Variants in CEP78 observed in about 807,000 individuals in gnomAD.
CEP78 encodes centrosomal protein 78, also known as centrosomal protein of 78 kDa.
In CEP78, 76 loss-of-function variants were observed where a neutral mutation model predicts 81.2. That is an observed-to-expected ratio of 0.94 (90% CI 0.78 to 1.13). The LOEUF (loss-of-function observed/expected upper bound fraction) is 1.13. Among genes scored for constraint, CEP78 ranks in the 50% most tolerant of loss-of-function variants. CEP78 has a pLI of 0.00. For synonymous variants in CEP78, 293 were observed against 301.4 expected (o/e 0.97, Z 0.29); for missense variants, 918 against 846.8 (o/e 1.08, Z -1.04).
chr9:78,240,235 T>A, intron 2 of CEP78, 40 bp downstream of exon 2: 1 of 1,612,764 alleles, frequency 6.2e-7, no homozygotes, highest in Non-Finnish European at 8.5e-7. Context: ...ATTTGATAGT[T>A]GCTTTTAGAG....
At chr9:78,264,940 A>T (rs1207093327) in intron 13 of CEP78, among the ~76,000 whole-genome samples, 1 of 152,194 alleles carries the variant, frequency 6.6e-6, no homozygotes, top group African/African-American at 2.4e-5. Flanking sequence ...TAGATAATTG[A>T]TAGAGTTATG....
rs1827740883 is a variant in CEP78, at chr9:78,273,563, G to A, written c.*2712G>A. ...AGCCTGGCCAACATGGCAAAACTCC[G>A]TCTCTACTAAAAATACAAAAAAAAA... On this transcript the variant is annotated 3_prime_UTR_variant, in exon 17 of 17. Coordinates refer to ENST00000643273, the MANE Select transcript of CEP78 (RefSeq NM_001330691.3). 1.4e-5 allele frequency: 2 copies of A among 144,200 alleles called. No homozygotes were observed. The highest frequency in any genetic ancestry group is 1.4e-4 in the Admixed American group (2 of 13,930). 8.9% of individuals were successfully genotyped at this position (144,200 alleles called of 1,614,324 possible).
intron 9 of CEP78, 92 bp downstream of exon 9, chr9:78,252,135 A>G (rs1826797244): frequency 8.7e-7 from 1 of 1,154,016 alleles, no homozygotes. Flanking sequence ...TTCTCTGCTT[A>G]TGTCTGTAGG....
rs1436928823 is a variant in CEP78 at position 78,273,106 on chromosome 9, A to T, written c.*2255A>T. ...GTCCAACAAGACGGGAAAGAAAAAG[A>T]AACAAGCTACATAGAAATAAAAAAT... On this transcript the variant is annotated 3_prime_UTR_variant, in exon 17 of 17. Transcript: ENST00000643273. 6.6e-6 allele frequency: 1 copy of T among 152,252 alleles called. No homozygotes were observed. The highest frequency in any genetic ancestry group is 2.4e-5 in the African/African-American group (1 of 41,462). 9.4% of individuals were successfully genotyped at this position (152,252 alleles called of 1,614,324 possible). A position where few individuals can be genotyped will look rare whatever the true frequency, so the allele number is the denominator to read the frequency against.
intron 5 of CEP78, among the ~76,000 whole-genome samples, chr9:78,244,855 A>T (rs1050386120): frequency 3.9e-5 from 6 of 152,176 alleles, no homozygotes; most frequent in African/African-American, 1.4e-4. Context: ...CGTGTCTCTT[A>T]TAATTTCCTT....
chr9:78,266,346 C>T (rs1004017654), intron 15 of CEP78, 96 bp from the exon 16 acceptor site: 3 of 938,652 alleles, frequency 3.2e-6, no homozygotes, highest in Admixed American at 2.6e-5. Context: ...ACCTGGAAAT[C>T]TTCTAAGATC....
chr9:78,244,480 T>C (rs1009623747), intron 5 of CEP78, among the ~76,000 whole-genome samples: 6 of 152,278 alleles, frequency 3.9e-5, no homozygotes, highest in Non-Finnish European at 8.8e-5. Flanking sequence ...CAGTATAATG[T>C]ATTTCTTAAA....
At chr9:78,248,919 G>T (rs374677776) in intron 8 of CEP78, 46 bp downstream of exon 8, 28 of 923,638 alleles carry the variant, frequency 3.0e-5, no homozygotes, top group Non-Finnish European at 4.4e-5. Flanking sequence ...GTGTTCTAGT[G>T]TGTTAAAATT....
intron 11 of CEP78, among the ~76,000 whole-genome samples, chr9:78,257,351 C>CA (rs1295794752): frequency 6.6e-6 from 1 of 152,178 alleles, no homozygotes; most frequent in African/African-American, 2.4e-5. Flanking sequence ...GCCAAACTGT[C>CA]AATCTAAGTG....
At chr9:78,256,233 C>A (rs1473520896) in intron 11 of CEP78, among the ~76,000 whole-genome samples, 1 of 152,142 alleles carries the variant, frequency 6.6e-6, no homozygotes. Flanking sequence ...CAGCTCCATA[C>A]ACAGATATGC....
chr9:78,236,276 G>C lies in CEP78; in HGVS notation c.-75G>C, dbSNP rs1825922374. 2 of 1,370,668 alleles carry C rather than the reference G, an allele frequency of 1.5e-6. No homozygotes were observed. The highest frequency in any genetic ancestry group is 2.6e-5 in the East Asian group (1 of 38,890). 84.9% of individuals were successfully genotyped at this position (1,370,668 alleles called of 1,614,324 possible). ...TGGCCGTGGGTGCCGGAGCGGCCGG[G>C]TTGCGACTCAGCGTTCTTGGGTGGG... is the stretch of plus-strand genomic sequence containing the variant. On this transcript the variant is annotated 5_prime_UTR_variant, in exon 1 of 17. Coordinates refer to ENST00000643273, the MANE Select transcript of CEP78 (RefSeq NM_001330691.3).
intron 9 of CEP78, among the ~76,000 whole-genome samples, 153 bp from the exon 10 acceptor site, chr9:78,253,079 G>A (rs1433098188): frequency 6.6e-6 from 1 of 152,136 alleles, no homozygotes; most frequent in Non-Finnish European, 1.5e-5. Context: ...TTTCTCCATA[G>A]CAGAGCTTTC....
chr9:78,278,045 G>T lies in CEP78; in HGVS notation c.*7194G>T, dbSNP rs549110236. On this transcript the variant is annotated 3_prime_UTR_variant, in exon 17 of 17. Transcript: ENST00000643273. ...ATATGCGTGTGTGCACCCTAGAAAA[G>T]AGTCTGTGATAACACATATCAAGCT... is the stretch of plus-strand genomic sequence containing the variant. 2 of 152,286 alleles carry T rather than the reference G, an allele frequency of 1.3e-5. No homozygotes were observed. The highest frequency in any genetic ancestry group is 1.3e-4 in the Admixed American group (2 of 15,304). The allele number at this position is 152,286 out of a possible 1,614,324, so 9.4% of individuals were successfully genotyped here.
rs559123075 is a variant in CEP78 at position 78,258,742 on chromosome 9, A to G, written c.1380+3778A>G. On this transcript the variant is annotated intron_variant, in intron 11 of 16. Transcript: ENST00000643273. ...ACACACAAAAAAATCCAAGTAGCCCATAAGTATGGAAAAGTGTTCAGCCAT... is the reference window on the plus strand; with the variant it reads ...ACACACAAAAAAATCCAAGTAGCCCGTAAGTATGGAAAAGTGTTCAGCCAT... Among the ~76,000 whole-genome samples, 12 of 152,360 alleles carry G rather than the reference A, an allele frequency of 7.9e-5. No homozygotes were observed. In the South Asian group the frequency reaches 1.4e-3, roughly 18 times the overall value.
intron 5 of CEP78, among the ~76,000 whole-genome samples, chr9:78,244,989 A>G (rs1158273374): frequency 6.6e-6 from 1 of 152,108 alleles, no homozygotes; most frequent in Non-Finnish European, 1.5e-5. Context: ...TTTAGTTTAT[A>G]TTCATTTGAT....
At chr9:78,239,174 G>A (rs566564609) in intron 1 of CEP78, among the ~76,000 whole-genome samples, 6 of 151,866 alleles carry the variant, frequency 4.0e-5, no homozygotes, top group African/African-American at 7.2e-5. Flanking sequence ...CTTGCATCTA[G>A]TGGGTCTAGG....
chr9:78,262,949 GT>G lies in CEP78; in HGVS notation c.1424del (p.Val475GlyfsTer2), dbSNP rs1196886096. On this transcript the variant is annotated frameshift_variant, in exon 12 of 17. Transcript: ENST00000643273. LOFTEE classifies it high-confidence loss of function. ...ECLKQLKEER[V>X]IRLKVDKRVS... ...CCTAAAGCAGTTAAAGGAAGAAAGA[GT>G]GATAAGGCTTAAGGTTGATAAACGA... 8 of 1,547,130 alleles carry G rather than the reference GT, an allele frequency of 5.2e-6. No homozygotes were observed. Among genetic ancestry groups the G allele is most frequent in the Non-Finnish European group, 7.0e-6 (8 of 1,144,410 alleles).
intron 16 of CEP78, chr9:78,267,148 T>A: frequency 2.5e-6 from 2 of 791,392 alleles, no homozygotes; most frequent in Non-Finnish European, 3.7e-6. Context: ...ATAGTGAAAT[T>A]TTTGGTCTGT....
At chr9:78,252,591 T>C (rs1826817882) in intron 9 of CEP78, among the ~76,000 whole-genome samples, 1 of 152,246 alleles carries the variant, frequency 6.6e-6, no homozygotes, top group Non-Finnish European at 1.5e-5. Flanking sequence ...AATTTTATGC[T>C]TAATAAATGA....
Sources: allele counts gnomAD v4.1 joint callset (sites outside exome capture counted in the v4.1 genomes callset), GRCh38; gene constraint gnomAD v4.1.1; transcripts MANE v1.5; gene names NCBI Gene and HGNC (gene_info 2026-07-23, HGNC 2026-07-21).